The following GOLM1 variants were observed in gnomAD, a reference collection of about 807,000 sequenced individuals.
GOLM1 encodes epididymis luminal protein 46.
Under a neutral mutation model 50.5 loss-of-function variants are expected in GOLM1, and 31 were observed. That is an observed-to-expected ratio of 0.61 (90% CI 0.46 to 0.83). The LOEUF is 0.83. GOLM1 is among the 40% of genes least tolerant of loss of function. GOLM1 has a pLI of 0.00. For missense variants in GOLM1, 491 were observed against 501.3 expected (o/e 0.98, Z 0.20); for synonymous variants, 178 against 192.8 (o/e 0.92, Z 0.64).
chr9:86,036,134 A>G (rs968499764), intron 7 of GOLM1, among the ~76,000 whole-genome samples: 9 of 151,776 alleles, frequency 5.9e-5, no homozygotes, highest in Admixed American at 3.9e-4. Context: ...CTTTCTCTAC[A>G]CAGCTGCCCA....
intron 9 of GOLM1, among the ~76,000 whole-genome samples, chr9:86,032,271 G>A (rs139351501): frequency 0.018 from 2,668 of 151,846 alleles, 77 homozygotes; most frequent in African/African-American, 0.061. Context: ...GGGTTCAAGC[G>A]ATTCTCTTGC....
intron 6 of GOLM1, among the ~76,000 whole-genome samples, chr9:86,038,022 C>T (rs1473679659): frequency 2.0e-5 from 3 of 151,956 alleles, no homozygotes; most frequent in Admixed American, 6.6e-5. Context: ...GGTGTGGTAG[C>T]GCATGCCTGT....
chr9:86,098,162 A>G (rs1476479320), intron 1 of GOLM1, among the ~76,000 whole-genome samples: 4 of 152,208 alleles, frequency 2.6e-5, no homozygotes. Context: ...CATCCTAACA[A>G]TTCAATTTTT....
At chr9:86,064,715 C>T (rs1834256599) in intron 3 of GOLM1, among the ~76,000 whole-genome samples, 1 of 152,220 alleles carries the variant, frequency 6.6e-6, no homozygotes, top group Admixed American at 6.5e-5. Context: ...ACATCACACT[C>T]TGCTCGGGCC....
intron 5 of GOLM1, among the ~76,000 whole-genome samples, chr9:86,042,422 TG>T (rs1564343235): frequency 6.9e-6 from 1 of 145,492 alleles, no homozygotes; most frequent in African/African-American, 2.5e-5. Flanking sequence ...CAAATGTGAG[TG>T]AGTACTACAT....
rs371980727 is a variant in GOLM1 at position 86,047,580 on chromosome 9, G to A, written c.365-1008C>T. 1.2e-3 allele frequency among the ~76,000 whole-genome samples: 185 copies of A among 152,246 alleles called. 4 individuals are homozygous for A. The South Asian group carries it at 0.032, about 27-fold the overall frequency. On this transcript the variant is annotated intron_variant, in intron 4 of 9. Coordinates refer to ENST00000388712, the MANE Select transcript of GOLM1 (RefSeq NM_016548.4). ...CATGGGTGGGGGGTCCTGGAGCGGT[G>A]GGCAGCTGCCATGTTGACTGCAGTG...
rs560678845 is a variant in GOLM1, at chr9:86,089,303, G to GT, written c.-21-9963dup. Reference sequence around the variant, plus strand: ...ATTTCCTGAATTTGAATGTTGGCCTGTCTTGCTAGGTTGGGGAAGTTCTCC... The same window carrying GT: ...ATTTCCTGAATTTGAATGTTGGCCTGTTCTTGCTAGGTTGGGGAAGTTCTCC... On this transcript the variant is annotated intron_variant, in intron 1 of 9. Coordinates refer to ENST00000388712, the MANE Select transcript of GOLM1 (RefSeq NM_016548.4). 7.4e-4 allele frequency among the ~76,000 whole-genome samples: 112 copies of GT among 152,278 alleles called. 3 individuals carry two copies. In the South Asian group the frequency reaches 0.023, roughly 31 times the overall value.
chr9:86,062,871 G>A (rs1254436698), intron 3 of GOLM1, among the ~76,000 whole-genome samples: 1 of 152,174 alleles, frequency 6.6e-6, no homozygotes, highest in Non-Finnish European at 1.5e-5. Flanking sequence ...GGGAACCCCA[G>A]AATGCACTTT....
rs2118585434 is a variant in GOLM1, at chr9:86,026,644, G to A, written c.*1173C>T. ...CCTTACTGGGAAGTCAGTCATTAATGATGTGGCCAGTTATTTGCAAGTGGT... is the reference window on the plus strand; with the variant it reads ...CCTTACTGGGAAGTCAGTCATTAATAATGTGGCCAGTTATTTGCAAGTGGT... On this transcript the variant is annotated 3_prime_UTR_variant, in exon 10 of 10. Transcript: ENST00000388712. 1 of 984,862 alleles carries A rather than the reference G, an allele frequency of 1.0e-6. No individual in the cohort carries two copies. Among genetic ancestry groups the A allele is most frequent in the East Asian group, 1.1e-4 (1 of 8,806 alleles). The allele number at this position is 984,862 out of a possible 1,614,324, so 61.0% of individuals were successfully genotyped here.
chr9:86,029,458 G>T (rs111711857), intron 9 of GOLM1, among the ~76,000 whole-genome samples: 36 of 152,242 alleles, frequency 2.4e-4, no homozygotes, highest in African/African-American at 8.7e-4. Flanking sequence ...ATGTCTGTAT[G>T]TAGCTTCTAC....
intron 4 of GOLM1, among the ~76,000 whole-genome samples, chr9:86,047,874 AATT>A (rs1002276967): frequency 7.9e-5 from 12 of 152,204 alleles, no homozygotes; most frequent in African/African-American, 2.2e-4. Flanking sequence ...GCATGTACCC[AATT>A]ATTATTATTT....
chr9:86,069,036 AC>A lies in GOLM1; in HGVS notation c.309+8375del, dbSNP rs1251199145. On this transcript the variant is annotated intron_variant, in intron 3 of 9. Coordinates refer to ENST00000388712, the MANE Select transcript of GOLM1 (RefSeq NM_016548.4). ...GGCTAAACGTTTTATCATTTAAAGA[AC>A]CCCACTTATATTCTACAATTTTCAT... Among the ~76,000 whole-genome samples the A allele has an allele frequency of 4.6e-5, 7 of 152,052 alleles. No individual in the cohort carries two copies. In the East Asian group the frequency reaches 1.3e-3, roughly 29 times the overall value.
At chr9:86,082,616 A>G (rs1451552985) in intron 1 of GOLM1, among the ~76,000 whole-genome samples, 1 of 150,688 alleles carries the variant, frequency 6.6e-6, no homozygotes, top group African/African-American at 2.4e-5. Context: ...AATTTTTTCT[A>G]TTTTTGTAGA....
intron 8 of GOLM1, chr9:86,035,128 C>A (rs1197111096): frequency 1.0e-6 from 1 of 985,364 alleles, no homozygotes; most frequent in Middle Eastern, 5.2e-4. Context: ...CTTGCAAGGT[C>A]CCCTCGACTC....
rs1273355587 is a variant in GOLM1, at chr9:86,036,239, G to A, written c.757+109C>T. ...CCCAGAGAGACACGTCCCTGCTCCT[G>A]GCTGCGCCGCTGCCGGGTTCACTGA... On this transcript the variant is annotated intron_variant, in intron 7 of 9. Coordinates refer to ENST00000388712, the MANE Select transcript of GOLM1 (RefSeq NM_016548.4). 2.1e-5 allele frequency: 23 copies of A among 1,109,184 alleles called. No homozygotes were observed. The South Asian group carries it at 2.6e-4, about 13-fold the overall frequency. The allele number at this position is 1,109,184 out of a possible 1,614,324, so 68.7% of individuals were successfully genotyped here.
chr9:86,099,698 C>G (rs1326519889), upstream of GOLM1: 1 of 151,452 alleles, frequency 6.6e-6, no homozygotes, highest in South Asian at 2.1e-4. Context: ...CGCGCCCCGG[C>G]CGGTGGCCGC....
Position 86,079,181 on chromosome 9 carries a change from AAAC to A in GOLM1, c.129+8_129+10del. 1 of 1,527,488 alleles carries A rather than the reference AAAC, an allele frequency of 6.5e-7. No homozygotes were observed. The highest frequency in any genetic ancestry group is 1.7e-4 in the Middle Eastern group (1 of 5,746). 94.6% of individuals were successfully genotyped at this position (1,527,488 alleles called of 1,614,324 possible). ...CATAAAATAAACATAACAATAAAGA[AAAC>A]AAAACACCTGGAGGTCCACGCTCCG... On this transcript the variant is annotated splice_region_variant and intron_variant, in intron 2 of 9. Transcript: ENST00000388712.
intron 1 of GOLM1, among the ~76,000 whole-genome samples, chr9:86,092,873 T>C (rs957118502): frequency 6.6e-6 from 1 of 152,190 alleles, no homozygotes; most frequent in African/African-American, 2.4e-5. Context: ...TTATTTGGAT[T>C]GCGGATGAGA....
Position 86,039,893 on chromosome 9 carries a change from G to C in GOLM1, c.597+846C>G, listed in dbSNP as rs181278259. 2.6e-5 allele frequency among the ~76,000 whole-genome samples: 4 copies of C among 151,946 alleles called. No homozygotes were observed. In the East Asian group the frequency reaches 5.8e-4, roughly 22 times the overall value. ...TGAGGCAGGAGAATCGCTTGAACCT[G>C]GGAGGCAGAGGCTGCAGTGAGCTGA... On this transcript the variant is annotated intron_variant, in intron 6 of 9. Coordinates refer to ENST00000388712, the MANE Select transcript of GOLM1 (RefSeq NM_016548.4).
Sources: allele counts gnomAD v4.1 joint callset (sites outside exome capture counted in the v4.1 genomes callset), GRCh38; gene constraint gnomAD v4.1.1; transcripts MANE v1.5; gene names NCBI Gene and HGNC (gene_info 2026-07-23, HGNC 2026-07-21).